PCDH15: variants seen among roughly 807,000 people sequenced by gnomAD.
The protein encoded by PCDH15 is protocadherin-15.
PCDH15 carries 129 observed loss-of-function variants against 178.5 expected under a neutral mutation model. That is an observed-to-expected ratio of 0.72 (90% CI 0.63 to 0.84). The LOEUF (loss-of-function observed/expected upper bound fraction) is 0.84, where lower values mean the gene tolerates loss of function less well. Among genes scored for constraint, PCDH15 ranks in the 40% least tolerant of loss-of-function variants. PCDH15 has a pLI of 0.00. For synonymous variants in PCDH15, 800 were observed against 732.0 expected (o/e 1.09, Z -1.50); for missense variants, 2,230 against 2,099.9 (o/e 1.06, Z -1.21).
intron 5 of PCDH15, among the ~76,000 whole-genome samples, chr10:54,361,467 G>T (rs544110267): frequency 6.6e-6 from 1 of 151,942 alleles, no homozygotes; most frequent in Non-Finnish European, 1.5e-5. Context: ...TCTATTCATT[G>T]CATGCACCCA....
chr10:54,421,971 A>C (rs1955580662), intron 3 of PCDH15, among the ~76,000 whole-genome samples: 1 of 143,032 alleles, frequency 7.0e-6, no homozygotes, highest in African/African-American at 2.6e-5. Flanking sequence ...ATATTTAGGG[A>C]GGGCATTGTT....
intron 32 of PCDH15, chr10:53,822,895 T>G: frequency 2.5e-6 from 4 of 1,614,148 alleles, no homozygotes; most frequent in Non-Finnish European, 2.5e-6. Context: ...ATTCCAGTGT[T>G]TTCATTTTCA....
chr10:54,023,128 GAA>G lies in PCDH15; in HGVS notation c.2288_2289del (p.Phe763SerfsTer15). 6.2e-7 allele frequency: 1 copy of G among 1,613,762 alleles called. No homozygotes were observed. Among genetic ancestry groups the G allele is most frequent in the African/African-American group, 1.3e-5 (1 of 75,004 alleles). ...TAAATGCTCCCATTGGATGTGATAC[GAA>G]AAAGATTATTAAAGTTACCCAAACT... Reference protein sequence around the residue: ...HYSLGNFNNLFRITSNGSIYT... With the variant: ...HYSLGNFNNLXRITSNGSIYT... On this transcript the variant is annotated frameshift_variant, in exon 19 of 38. Transcript: ENST00000644397. LOFTEE classifies it high-confidence loss of function.
chr10:54,898,430 C>G (rs1319342792), intron 2 of PCDH15, among the ~76,000 whole-genome samples: 2 of 151,962 alleles, frequency 1.3e-5, no homozygotes, highest in East Asian at 3.9e-4. Flanking sequence ...GGCTTTGAGA[C>G]AAGATATCTA....
intron 1 of PCDH15, among the ~76,000 whole-genome samples, chr10:54,680,294 AT>A (rs1186700663): frequency 1.3e-5 from 2 of 152,024 alleles, no homozygotes; most frequent in Admixed American, 6.6e-5. Context: ...TTCTAAAATG[AT>A]TTTTTGCAAT....
At position 55,367,877 on chromosome 10, in the gene PCDH15, G is replaced by A. The variant is rs116085334; in HGVS notation, c.-155-201226C>T. Among the ~76,000 whole-genome samples the A allele has an allele frequency of 5.6e-3, 855 of 152,142 alleles. 10 individuals are homozygous for A. Among genetic ancestry groups the A allele is most frequent in the African/African-American group, 0.02 (816 of 41,522 alleles). On this transcript the variant is annotated intron_variant, in intron 2 of 5. Coordinates refer to the PCDH15 transcript ENST00000613346. The stretch of plus-strand genomic sequence containing the variant: ...AACCCAACACATTGGAGCAATCTGA[G>A]CCTTTAAATTAATTTTTTAACACTG...
At position 54,428,775 on chromosome 10, in the gene PCDH15, AG is replaced by A. The variant is rs758778781; in HGVS notation, c.158-49834del. 9.9e-5 allele frequency among the ~76,000 whole-genome samples: 15 copies of A among 152,228 alleles called. No homozygotes were observed. The East Asian group carries it at 2.9e-3, about 29-fold the overall frequency. On this transcript the variant is annotated intron_variant, in intron 3 of 37. Transcript: ENST00000644397. ...TTTCAGTGGAAACCTTACAGCCAGG[AG>A]AGGGTGGCATGACACATATAAAGTG...
In PCDH15 at chr10:55,351,885, T is replaced by C. The variant is rs1588945103; in HGVS notation, c.-155-185234A>G. Among the ~76,000 whole-genome samples, 4 of 152,172 alleles carry C rather than the reference T, an allele frequency of 2.6e-5. No homozygotes were observed. In the East Asian group the frequency reaches 7.7e-4, roughly 29 times the overall value. On this transcript the variant is annotated intron_variant, in intron 2 of 5. Transcript: ENST00000613346. ...AATGTTAAGTCTCATTGCTCTCTTG[T>C]CAAAATTCCTATTATTTTACAAATA...
chr10:55,503,987 G>GA (rs1228307217), intron 2 of PCDH15, among the ~76,000 whole-genome samples: 1 of 151,452 alleles, frequency 6.6e-6, no homozygotes, highest in East Asian at 1.9e-4. Context: ...AAACTATACA[G>GA]AATGTAAAAG....
chr10:54,244,657 C>A (rs949057340), intron 8 of PCDH15, among the ~76,000 whole-genome samples: 2 of 152,100 alleles, frequency 1.3e-5, no homozygotes, highest in African/African-American at 4.8e-5. Context: ...TTCTTACAAC[C>A]CTTTCTCACA....
chr10:55,010,702 AC>A (rs1392554116), intron 2 of PCDH15, among the ~76,000 whole-genome samples: 1 of 152,146 alleles, frequency 6.6e-6, no homozygotes, highest in Non-Finnish European at 1.5e-5. Context: ...CCCACATAAT[AC>A]TTTTCAAAGG....
chr10:54,727,162 A>G (rs1031438962), intron 1 of PCDH15, among the ~76,000 whole-genome samples: 2 of 151,404 alleles, frequency 1.3e-5, no homozygotes, highest in African/African-American at 4.8e-5. Flanking sequence ...TTACCTGCAC[A>G]TGGTACACTA....
Position 54,757,276 on chromosome 10 carries a change from CT to C in PCDH15, c.-29+43648del, listed in dbSNP as rs57411772. On this transcript the variant is annotated intron_variant, in intron 1 of 37. Coordinates refer to ENST00000644397, the MANE Select transcript of PCDH15 (RefSeq NM_001384140.1). ...GTTTTTGGCTTGCTCAGAATTCTACCTTTTTTTTTTTTTTTTTTTTTTTTGA... is the reference window on the plus strand; with the variant it reads ...GTTTTTGGCTTGCTCAGAATTCTACCTTTTTTTTTTTTTTTTTTTTTTTGA... Among the ~76,000 whole-genome samples, 44 of 34,184 alleles carry C rather than the reference CT, an allele frequency of 1.3e-3. 1 individual carries two copies. Among genetic ancestry groups the C allele is most frequent in the African/African-American group, 5.8e-3 (43 of 7,398 alleles). The allele number at this position is 34,184 out of a possible 152,430, so 22.4% of individuals were successfully genotyped here. A position where few individuals can be genotyped will look rare whatever the true frequency, so the allele number is the denominator to read the frequency against.
intron 1 of PCDH15, among the ~76,000 whole-genome samples, chr10:55,202,726 A>C (rs2132160563): frequency 6.6e-6 from 1 of 152,202 alleles, no homozygotes; most frequent in South Asian, 2.1e-4. Context: ...ACCTAGTGGG[A>C]TATGAAGAAA....
At chr10:53,885,069 T>A (rs2080994189) in intron 26 of PCDH15, among the ~76,000 whole-genome samples, 1 of 152,176 alleles carries the variant, frequency 6.6e-6, no homozygotes. Flanking sequence ...TTTCTGCCAT[T>A]CAGAACTTTC....
At chr10:55,267,089 A>T (rs1592035447) in intron 1 of PCDH15, among the ~76,000 whole-genome samples, 1 of 152,054 alleles carries the variant, frequency 6.6e-6, no homozygotes, top group African/African-American at 2.4e-5. Flanking sequence ...TTCCCATTTC[A>T]AAAGGAAGGA....
intron 2 of PCDH15, among the ~76,000 whole-genome samples, chr10:55,160,321 C>CT (rs1275993359): frequency 2.0e-5 from 3 of 151,672 alleles, no homozygotes; most frequent in African/African-American, 7.2e-5. Context: ...GTTTGCACTA[C>CT]TGAAAACATA....
At chr10:55,188,858 T>C (rs1839870098) in intron 1 of PCDH15, among the ~76,000 whole-genome samples, 1 of 151,948 alleles carries the variant, frequency 6.6e-6, no homozygotes, top group African/African-American at 2.4e-5. Flanking sequence ...TACATTCAAC[T>C]ATTTGCTTCC....
chr10:54,119,035 C>T (rs2095168267), intron 15 of PCDH15, among the ~76,000 whole-genome samples: 1 of 152,012 alleles, frequency 6.6e-6, no homozygotes, highest in Admixed American at 6.5e-5. Flanking sequence ...AATTAAAAAT[C>T]CTAGTGTCTC....
Sources: gnomAD v4.1 joint callset for allele counts (sites outside exome capture counted in the v4.1 genomes callset) on GRCh38, gnomAD v4.1.1 for gene constraint, MANE v1.5 for transcripts, NCBI Gene and HGNC (gene_info 2026-07-23, HGNC 2026-07-21) for gene names.